Variants in GALNT7 observed in about 807,000 individuals in gnomAD.
The protein encoded by GALNT7 is polypeptide N-acetylgalactosaminyltransferase 7.
A neutral mutation model predicts 82.1 loss-of-function variants in GALNT7; 60 were observed. The observed-to-expected ratio is 0.73, with a 90% CI of 0.59 to 0.91. The LOEUF is 0.91. GALNT7 is among the 40% of genes least tolerant of loss of function. GALNT7 has a pLI of 0.00. For missense variants in GALNT7, 660 were observed against 804.2 expected, an observed-to-expected ratio of 0.82 and a Z score of 2.17; for synonymous variants, 243 against 275.1, an observed-to-expected ratio of 0.88 and a Z score of 1.15.
chr4:173,224,770 T>G (rs1034253030), intron 1 of GALNT7, among the ~76,000 whole-genome samples: 7 of 151,848 alleles, frequency 4.6e-5, no homozygotes, highest in African/African-American at 9.7e-5. Context: ...CCCAGCACTT[T>G]GGGAGGCCGA....
rs1579868625 is a variant in GALNT7, at chr4:173,168,969, A to C, written c.126+8A>C. ...CCGCTGAGCAGGATGAGGGTGAGTG[A>C]CCCGCCCGGCCCCCTCCGGCGGCAG... On this transcript the variant is annotated splice_region_variant and intron_variant, in intron 1 of 11. Transcript: ENST00000265000. 6.2e-7 allele frequency: 1 copy of C among 1,610,064 alleles called. No homozygotes were observed. The highest frequency in any genetic ancestry group is 8.5e-7 in the Non-Finnish European group (1 of 1,178,002).
At chr4:173,305,664 C>T (rs1184819716) in intron 8 of GALNT7, among the ~76,000 whole-genome samples, 1 of 152,022 alleles carries the variant, frequency 6.6e-6, no homozygotes, top group Non-Finnish European at 1.5e-5. Flanking sequence ...TGTGTTTTCC[C>T]TCATGTGTTC....
chr4:173,265,448 C>T lies in GALNT7; in HGVS notation c.587+17008C>T, dbSNP rs973055766. ...TTTTTGTTCTAAAAGCTTATCATCCCGTATATTTCCTTATCCTTTACCCTT... is the reference window on the plus strand; with the variant it reads ...TTTTTGTTCTAAAAGCTTATCATCCTGTATATTTCCTTATCCTTTACCCTT... On this transcript the variant is annotated intron_variant, in intron 2 of 11. Transcript: ENST00000265000. Among the ~76,000 whole-genome samples the T allele has an allele frequency of 5.9e-5, 9 of 152,166 alleles. No individual in the cohort carries two copies. The South Asian group carries it at 6.2e-4, about 11-fold the overall frequency.
At chr4:173,183,074 ACACAC>A (rs1732319235) in intron 1 of GALNT7, among the ~76,000 whole-genome samples, 1 of 147,630 alleles carries the variant, frequency 6.8e-6, no homozygotes, top group African/African-American at 2.6e-5. Context: ...ACACACACAC[ACACAC>A]ACACACACAC....
At chr4:173,276,124 AT>A (rs1327710361) in intron 2 of GALNT7, among the ~76,000 whole-genome samples, 1 of 152,126 alleles carries the variant, frequency 6.6e-6, no homozygotes, top group Non-Finnish European at 1.5e-5. Flanking sequence ...TCCCCTTTTC[AT>A]TAATATTTAA....
At chr4:173,267,852 G>A (rs1208243280) in intron 2 of GALNT7, among the ~76,000 whole-genome samples, 8 of 152,138 alleles carry the variant, frequency 5.3e-5, no homozygotes, top group Non-Finnish European at 1.5e-5. Flanking sequence ...GAGCTCCACC[G>A]GTTGGAGGTC....
At chr4:173,173,271 G>T (rs187291219) in intron 1 of GALNT7, among the ~76,000 whole-genome samples, 5 of 151,636 alleles carry the variant, frequency 3.3e-5, no homozygotes, top group Admixed American at 2.6e-4. Flanking sequence ...TTGCCCTCTG[G>T]ATATTTTAAG....
chr4:173,242,260 G>A (rs987463650), intron 1 of GALNT7, among the ~76,000 whole-genome samples: 10 of 152,096 alleles, frequency 6.6e-5, no homozygotes, highest in Admixed American at 5.2e-4. Flanking sequence ...CTATTTCTTT[G>A]AGCAGATAAT....
chr4:173,249,434 G>T (rs1734775756), intron 2 of GALNT7, among the ~76,000 whole-genome samples: 1 of 152,150 alleles, frequency 6.6e-6, no homozygotes, highest in African/African-American at 2.4e-5. Flanking sequence ...ACATTTACTG[G>T]TAAAAGTGAG....
intron 2 of GALNT7, among the ~76,000 whole-genome samples, chr4:173,286,300 T>C (rs1736320263): frequency 2.0e-5 from 3 of 152,244 alleles, no homozygotes; most frequent in Non-Finnish European, 4.4e-5. Context: ...CAGGTTTTCC[T>C]CTGGACCACA....
chr4:173,204,972 G>A (rs1461679649), intron 1 of GALNT7, among the ~76,000 whole-genome samples: 1 of 152,208 alleles, frequency 6.6e-6, no homozygotes, highest in Non-Finnish European at 1.5e-5. Context: ...CCTTTCACCA[G>A]TCAGCTCATC....
chr4:173,301,084 G>A (rs966192107), intron 6 of GALNT7, among the ~76,000 whole-genome samples: 3 of 151,802 alleles, frequency 2.0e-5, no homozygotes, highest in South Asian at 2.1e-4. Context: ...GCAGTGAGCC[G>A]CAATCATGCC....
chr4:173,295,667 T>C (rs1736695496), intron 4 of GALNT7, 97 bp from the exon 5 acceptor site: 1 of 1,119,416 alleles, frequency 8.9e-7, no homozygotes, highest in Non-Finnish European at 1.4e-6. Context: ...GAATTGACTA[T>C]AATGCTAATT....
Position 173,318,560 on chromosome 4 carries a change from G to A in GALNT7, c.1836+1G>A. The A allele has an allele frequency of 6.5e-7, 1 of 1,534,256 alleles. No homozygotes were observed. Among genetic ancestry groups the A allele is most frequent in the Non-Finnish European group, 9.0e-7 (1 of 1,111,158 alleles). On this transcript the variant is annotated splice_donor_variant, in intron 11 of 11. Coordinates refer to ENST00000265000, the MANE Select transcript of GALNT7 (RefSeq NM_017423.3). LOFTEE classifies it high-confidence loss of function. ...ATTTAAGGAATGGCAGTACTTCAAG[G>A]TATTCTGCATTTTAACTTCTGAAAT...
In GALNT7 at chr4:173,303,586, A is replaced by G. The variant is rs116423517; in HGVS notation, c.1267-410A>G. On this transcript the variant is annotated intron_variant, in intron 7 of 11. Transcript: ENST00000265000. ...CACCTATAATAATCTCTTGCTATAA[A>G]TAAGGATAGTTGAGTAGAGAGAAGC... Among the ~76,000 whole-genome samples, 806 of 152,364 alleles carry G rather than the reference A, an allele frequency of 5.3e-3. 10 individuals are homozygous for G. Among genetic ancestry groups the G allele is most frequent in the African/African-American group, 0.019 (779 of 41,586 alleles).
chr4:173,240,390 A>G lies in GALNT7; in HGVS notation c.127-7590A>G, dbSNP rs1476470276. ...TTTTTTTTTTTTTTTTTTTTTTGAGACAGAGCTTCGCTTTTGTGCCCAGGC... is the reference window on the plus strand; with the variant it reads ...TTTTTTTTTTTTTTTTTTTTTTGAGGCAGAGCTTCGCTTTTGTGCCCAGGC... On this transcript the variant is annotated intron_variant, in intron 1 of 11. Transcript: ENST00000265000. Among the ~76,000 whole-genome samples the G allele has an allele frequency of 7.6e-5, 9 of 118,464 alleles. 1 individual carries two copies. In the South Asian group the frequency reaches 2.1e-3, roughly 28 times the overall value. 77.7% of individuals were successfully genotyped at this position (118,464 alleles called of 152,430 possible). A position where few individuals can be genotyped will look rare whatever the true frequency, so the allele number is the denominator to read the frequency against.
In GALNT7 at chr4:173,292,763, C is replaced by T. The variant is rs1239131957; in HGVS notation, c.754+489C>T. ...TAAATAGAAATATGGCCTATTTTTC[C>T]TTTCATCTCTGTGCAGCTGATCCTT... On this transcript the variant is annotated intron_variant, in intron 3 of 11. Coordinates refer to ENST00000265000, the MANE Select transcript of GALNT7 (RefSeq NM_017423.3). This position sits in a 1 kb window ranked among gnomAD's most constrained non-coding sequence, Gnocchi z 4.8. Among the ~76,000 whole-genome samples, 2 of 152,064 alleles carry T rather than the reference C, an allele frequency of 1.3e-5. No individual in the cohort carries two copies. The highest frequency in any genetic ancestry group is 2.9e-5 in the Non-Finnish European group (2 of 67,966).
chr4:173,197,736 C>G (rs1732820424), intron 1 of GALNT7, among the ~76,000 whole-genome samples: 1 of 152,092 alleles, frequency 6.6e-6, no homozygotes. Context: ...GATGTCCAGG[C>G]TGTGGTTGGA....
intron 1 of GALNT7, among the ~76,000 whole-genome samples, chr4:173,228,774 C>T (rs1733925199): frequency 6.6e-6 from 1 of 152,168 alleles, no homozygotes; most frequent in Non-Finnish European, 1.5e-5. Context: ...AGGTTAAGAG[C>T]CACTGGTATG....
Sources: gnomAD v4.1 joint callset for allele counts (sites outside exome capture counted in the v4.1 genomes callset) on GRCh38, gnomAD v4.1.1 for gene constraint, Gnocchi (gnomAD v3.1) non-coding constraint, MANE v1.5 for transcripts, NCBI Gene and HGNC (gene_info 2026-07-23, HGNC 2026-07-21) for gene names.